NCOR2: variants seen among roughly 807,000 people sequenced by gnomAD.
NCOR2 encodes the protein CTG repeat protein 26.
Under a neutral mutation model 262.9 loss-of-function variants are expected in NCOR2, and 81 were observed. The observed-to-expected ratio is 0.31, with a 90% confidence interval of 0.26 to 0.37. The LOEUF is 0.37. Ranked by LOEUF, NCOR2 falls within the 10% of genes least tolerant of loss-of-function variation. The pLI is 1.00. For synonymous variants in NCOR2, 1,659 were observed against 1,559.3 expected, an observed-to-expected ratio of 1.06 and a Z score of -1.51; for missense variants, 3,385 against 3,621.4, an observed-to-expected ratio of 0.93 and a Z score of 1.68.
intron 16 of NCOR2, among the ~76,000 whole-genome samples, chr12:124,387,213 TTCATTC>T (rs1389389435): frequency 1.3e-5 from 2 of 151,930 alleles, no homozygotes; most frequent in African/African-American, 4.8e-5. Flanking sequence ...CATTCATTCA[TTCATTC>T]ATTCATTCAT....
intron 13 of NCOR2, among the ~76,000 whole-genome samples, chr12:124,413,434 G>A (rs1446861553): frequency 1.3e-5 from 2 of 152,214 alleles, no homozygotes; most frequent in Admixed American, 6.5e-5. Context: ...GCCCCCGGAT[G>A]AACATGCATA....
intron 5 of NCOR2, among the ~76,000 whole-genome samples, chr12:124,463,217 C>A (rs113382941): frequency 6.6e-6 from 1 of 152,254 alleles, no homozygotes; most frequent in Non-Finnish European, 1.5e-5. Context: ...CCGGAACCAA[C>A]AGGCTCCTAC....
exon 19 of NCOR2, chr12:124,374,429 C>A (rs745768593): frequency 5.6e-6 from 9 of 1,612,994 alleles, no homozygotes; most frequent in Non-Finnish European, 6.8e-6. Flanking sequence ...CACTGCATTC[C>A]CCTCTGGGCA....
intron 17 of NCOR2, among the ~76,000 whole-genome samples, chr12:124,384,044 C>T (rs57056146): frequency 1.3e-5 from 2 of 148,326 alleles, no homozygotes; most frequent in East Asian, 2.0e-4. Flanking sequence ...AGAGGGGAGG[C>T]GGGGGGAGGA....
At chr12:124,467,892 C>A (rs111205153) in intron 4 of NCOR2, among the ~76,000 whole-genome samples, 7,248 of 23,004 alleles carry the variant, frequency 0.32, 1,473 homozygotes, top group Non-Finnish European at 0.4. Context: ...CCTCATCACC[C>A]TCTTCACCCT....
chr12:124,567,522 G>A (rs2052288161), upstream of NCOR2: 1 of 146,550 alleles, frequency 6.8e-6, no homozygotes, highest in Non-Finnish European at 1.5e-5. Context: ...GCGGGCGCAG[G>A]GCTCGGGCGG....
chr12:124,328,018 G>GTT (rs370242486), intron 44 of NCOR2, among the ~76,000 whole-genome samples: 1 of 149,090 alleles, frequency 6.7e-6, no homozygotes, highest in South Asian at 2.1e-4. Flanking sequence ...TGTTTTGTTT[G>GTT]TTTTTTTTTT....
intron 8 of NCOR2, among the ~76,000 whole-genome samples, chr12:124,434,147 G>A (rs1376248582): frequency 6.6e-6 from 1 of 152,080 alleles, no homozygotes; most frequent in Non-Finnish European, 1.5e-5. Flanking sequence ...ACAGGGACGA[G>A]GCCCTGCTCT....
intron 21 of NCOR2, among the ~76,000 whole-genome samples, chr12:124,362,609 A>G (rs1794955): frequency 3.4e-3 from 160 of 46,870 alleles, no homozygotes; most frequent in Middle Eastern, 0.037. Flanking sequence ...CTGCCTGGTG[A>G]TGGACAGGGG....
chr12:124,520,115 G>A (rs561330245), intron 1 of NCOR2, among the ~76,000 whole-genome samples: 2 of 152,328 alleles, frequency 1.3e-5, no homozygotes, highest in South Asian at 2.1e-4. Context: ...GAAGCCAGAT[G>A]TCTCCTGTGA....
intron 1 of NCOR2, among the ~76,000 whole-genome samples, chr12:124,545,714 C>A (rs779109281): frequency 6.6e-6 from 1 of 152,138 alleles, no homozygotes; most frequent in African/African-American, 2.4e-5. Flanking sequence ...AGCCCAGTGG[C>A]CCCACATACT....
In NCOR2 at chr12:124,481,807, G is replaced by A. The variant is rs1031483228; in HGVS notation, c.411+1789C>T. ...GGGGAACACACAGGGGGATGCAGTC[G>A]TCTGCCTTTATAAGAGCCCTCTGGC... On this transcript the variant is annotated intron_variant, in intron 3 of 46. Transcript: ENST00000405201. This position sits in a 1 kb window ranked among gnomAD's most constrained non-coding sequence, Gnocchi z 4.6. Among the ~76,000 whole-genome samples the A allele has an allele frequency of 1.3e-5, 2 of 152,136 alleles. No individual in the cohort carries two copies. The highest frequency in any genetic ancestry group is 2.4e-5 in the African/African-American group (1 of 41,412).
chr12:124,557,633 A>G (rs1472248682), intron 1 of NCOR2, among the ~76,000 whole-genome samples: 1 of 152,178 alleles, frequency 6.6e-6, no homozygotes, highest in African/African-American at 2.4e-5. Context: ...TGGCACAGGC[A>G]CTGTCCAACA....
chr12:124,545,230 G>A (rs2051503938), intron 1 of NCOR2, among the ~76,000 whole-genome samples: 1 of 152,108 alleles, frequency 6.6e-6, no homozygotes. Flanking sequence ...GGAGGGCCAC[G>A]ATGAGAGGAC....
At chr12:124,417,783 G>C (rs893053594) in intron 13 of NCOR2, among the ~76,000 whole-genome samples, 2 of 152,200 alleles carry the variant, frequency 1.3e-5, no homozygotes, top group Non-Finnish European at 2.9e-5. Context: ...CGTAGCGGCT[G>C]AGCACAGTGG....
intron 4 of NCOR2, among the ~76,000 whole-genome samples, chr12:124,471,361 C>A (rs2046824952): frequency 6.6e-6 from 1 of 152,188 alleles, no homozygotes; most frequent in Admixed American, 6.5e-5. Context: ...GAGCCTGTTT[C>A]TCCCATTAGT....
intron 13 of NCOR2, among the ~76,000 whole-genome samples, chr12:124,407,120 C>T (rs1387035660): frequency 1.3e-5 from 2 of 152,192 alleles, no homozygotes; most frequent in Non-Finnish European, 1.5e-5. Context: ...CTCCCTATGC[C>T]CATTTAAACC....
At chr12:124,421,927 A>G (rs1403954557) in intron 12 of NCOR2, among the ~76,000 whole-genome samples, 1 of 152,214 alleles carries the variant, frequency 6.6e-6, no homozygotes, top group Admixed American at 6.5e-5. Context: ...GGCTTGACAC[A>G]AAGTGGGCTT....
intron 1 of NCOR2, among the ~76,000 whole-genome samples, chr12:124,567,008 G>A (rs757243342): frequency 5.3e-5 from 8 of 152,228 alleles, no homozygotes; most frequent in Non-Finnish European, 1.2e-4. Context: ...GCACACTGTG[G>A]GGGGCCGCTC....
Sources: gnomAD v4.1 joint callset for allele counts (sites outside exome capture counted in the v4.1 genomes callset) on GRCh38, gnomAD v4.1.1 for gene constraint, Gnocchi (gnomAD v3.1) non-coding constraint, MANE v1.5 for transcripts, NCBI Gene and HGNC (gene_info 2026-07-23, HGNC 2026-07-21) for gene names.